Variants in TMEM229B observed in about 807,000 individuals in gnomAD.
TMEM229B encodes chromosome 14 open reading frame 83.
In TMEM229B, 6 loss-of-function variants were observed where a neutral mutation model predicts 13.7. The observed-to-expected ratio is 0.44, with a 90% CI of 0.24 to 0.86. The LOEUF (loss-of-function observed/expected upper bound fraction) is 0.86. TMEM229B is among the 40% of genes least tolerant of loss of function. The probability of loss-of-function intolerance (pLI) is 0.23; values close to 1 mark genes in which losing one functional copy is unlikely to be tolerated. For missense variants in TMEM229B, 170 were observed against 236.0 expected (o/e 0.72, Z 1.83); for synonymous variants, 107 against 102.1 (o/e 1.05, Z -0.29).
In TMEM229B at chr14:67,471,337, G is replaced by A. The variant is rs1479586255; in HGVS notation, c.*2083C>T. The A allele has an allele frequency of 1.3e-5, 2 of 152,320 alleles. No individual in the cohort carries two copies. Among genetic ancestry groups the A allele is most frequent in the Non-Finnish European group, 2.9e-5 (2 of 68,108 alleles). The allele number at this position is 152,320 out of a possible 1,614,324, so 9.4% of individuals were successfully genotyped here. On this transcript the variant is annotated 3_prime_UTR_variant, in exon 3 of 3. Transcript: ENST00000554480. ...AGTTGTGGAATGCAAGTGTGAAGGT[G>A]GGTAGTGTGGTCTAGGGGCCCACAT...
intron 1 of TMEM229B, among the ~76,000 whole-genome samples, chr14:67,496,635 C>T (rs1247165647): frequency 6.6e-6 from 1 of 150,962 alleles, no homozygotes; most frequent in East Asian, 1.9e-4. Flanking sequence ...CTTTTCCCTT[C>T]CCCTTTTCTT....
chr14:67,479,889 T>C (rs1158033477), intron 2 of TMEM229B, among the ~76,000 whole-genome samples: 1 of 152,110 alleles, frequency 6.6e-6, no homozygotes, highest in African/African-American at 2.4e-5. Context: ...AAACCATGCC[T>C]CACAGGTCTC....
intron 2 of TMEM229B, among the ~76,000 whole-genome samples, chr14:67,478,330 A>G (rs1360391181): frequency 6.6e-6 from 1 of 152,234 alleles, no homozygotes; most frequent in East Asian, 1.9e-4. Context: ...CAAGTCAGCT[A>G]CTAACTCCCA....
At chr14:67,476,876 A>C in intron 2 of TMEM229B, among the ~76,000 whole-genome samples, 1 of 152,306 alleles carries the variant, frequency 6.6e-6, no homozygotes. Flanking sequence ...CTGTAATCCC[A>C]GCACTTTGGG....
intron 1 of TMEM229B, among the ~76,000 whole-genome samples, chr14:67,527,629 A>G (rs1025221195): frequency 5.3e-5 from 8 of 152,180 alleles, no homozygotes; most frequent in Non-Finnish European, 7.3e-5. Flanking sequence ...ATTCCCATTC[A>G]GCAATTCTCA....
intron 1 of TMEM229B, among the ~76,000 whole-genome samples, chr14:67,507,252 A>C (rs1258317586): frequency 6.6e-6 from 1 of 151,824 alleles, no homozygotes; most frequent in Admixed American, 6.6e-5. Context: ...GGGAGGCTGA[A>C]GTGGGAGGAT....
chr14:67,507,155 C>G (rs1242122849), intron 1 of TMEM229B, among the ~76,000 whole-genome samples: 1 of 152,026 alleles, frequency 6.6e-6, no homozygotes, highest in Non-Finnish European at 1.5e-5. Context: ...GGGGGTTATA[C>G]TCTCGCTAAC....
upstream of TMEM229B, chr14:67,515,558 C>A: frequency 6.5e-6 from 1 of 154,234 alleles, no homozygotes; most frequent in South Asian, 1.9e-4. Flanking sequence ...CTGTCCCCTC[C>A]GACCCCTCTG....
chr14:67,513,201 G>A (rs79567029), intron 1 of TMEM229B, among the ~76,000 whole-genome samples: 1,586 of 152,266 alleles, frequency 0.01, 34 homozygotes, highest in African/African-American at 0.036. Flanking sequence ...CTGGAGGCTC[G>A]GAGGTCAGGC....
At chr14:67,489,245 C>A (rs2032053116), upstream of TMEM229B, among the ~76,000 whole-genome samples, 1 of 152,136 alleles carries the variant, frequency 6.6e-6, no homozygotes, top group Admixed American at 6.5e-5. Flanking sequence ...AGAGATTTGG[C>A]CAAATCCAAA....
Position 67,473,287 on chromosome 14 carries a change from C to T in TMEM229B, c.*133G>A. On this transcript the variant is annotated 3_prime_UTR_variant, in exon 3 of 3. Transcript: ENST00000554480. The surrounding 1 kb of genome is among the most constrained non-coding windows in gnomAD (Gnocchi z 6.5). ...ACCGGCCCCCGCGGACGTTAGGGGG[C>T]TCTGTGTGCCCTATAGGGCTGAGGC... 1 of 1,276,826 alleles carries T rather than the reference C, an allele frequency of 7.8e-7. No individual in the cohort carries two copies. The highest frequency in any genetic ancestry group is 1.1e-6 in the Non-Finnish European group (1 of 921,696). The allele number at this position is 1,276,826 out of a possible 1,614,324, so 79.1% of individuals were successfully genotyped here.
Position 67,473,603 on chromosome 14 carries a change from C to T in TMEM229B, c.321G>A (p.Gln107=), listed in dbSNP as rs373373166. ...TGAGGCCCATGAAGTCAAAGTCGAA[C>T]TGGGAGTAGTCCCAGGGGCAGGCGT... The part of the protein sequence containing the change: ...QFNACPWDYS[Q]FDFDFMGLIT... Residue 107 remains glutamine, a synonymous_variant, in exon 3 of 3, where the codon CAG becomes CAA. Transcript: ENST00000554480. This position sits in a 1 kb window ranked among gnomAD's most constrained non-coding sequence, Gnocchi z 6.5. 10 of 1,602,654 alleles carry T rather than the reference C, an allele frequency of 6.2e-6. No individual in the cohort carries two copies. The African/African-American group carries it at 1.2e-4, about 19-fold the overall frequency.
chr14:67,494,600 G>A (rs900616077), intron 1 of TMEM229B, among the ~76,000 whole-genome samples: 5 of 152,204 alleles, frequency 3.3e-5, no homozygotes, highest in Admixed American at 6.5e-5. Flanking sequence ...CTCTGGACAC[G>A]GGTTGAGAGG....
chr14:67,527,865 C>T (rs1400261709), intron 1 of TMEM229B, among the ~76,000 whole-genome samples: 1 of 152,190 alleles, frequency 6.6e-6, no homozygotes, highest in Non-Finnish European at 1.5e-5. Flanking sequence ...ATGTAGGACC[C>T]CACCCCAGAC....
chr14:67,504,668 C>T (rs987934209), intron 1 of TMEM229B, among the ~76,000 whole-genome samples: 3 of 152,080 alleles, frequency 2.0e-5, no homozygotes, highest in Non-Finnish European at 4.4e-5. Flanking sequence ...GGGTGGATCA[C>T]GAGGTCAGGA....
chr14:67,513,174 A>G (rs1237209815), intron 1 of TMEM229B, among the ~76,000 whole-genome samples: 1 of 152,220 alleles, frequency 6.6e-6, no homozygotes, highest in East Asian at 1.9e-4. Flanking sequence ...GCCACGGAAA[A>G]GCCCATCCTC....
chr14:67,482,171 G>A (rs1001384906), intron 2 of TMEM229B, among the ~76,000 whole-genome samples: 25 of 152,312 alleles, frequency 1.6e-4, no homozygotes, highest in African/African-American at 5.8e-4. Flanking sequence ...TGGGGAAGGG[G>A]AAGGGGATCT....
intron 1 of TMEM229B, among the ~76,000 whole-genome samples, chr14:67,512,483 CA>C (rs2033059455): frequency 2.6e-5 from 4 of 152,154 alleles, no homozygotes; most frequent in African/African-American, 9.7e-5. Context: ...AATGTTCCTG[CA>C]ATTCAAAAAT....
upstream of TMEM229B, among the ~76,000 whole-genome samples, chr14:67,519,710 GT>G (rs1233955135): frequency 3.4e-5 from 3 of 88,972 alleles, no homozygotes; most frequent in African/African-American, 6.7e-5. Flanking sequence ...GGCCCTGTAA[GT>G]TTGTTTTTTT....
Sources: gnomAD v4.1 joint callset for allele counts (sites outside exome capture counted in the v4.1 genomes callset) on GRCh38, gnomAD v4.1.1 for gene constraint, Gnocchi (gnomAD v3.1) non-coding constraint, MANE v1.5 for transcripts, NCBI Gene and HGNC (gene_info 2026-07-23, HGNC 2026-07-21) for gene names.